Variants in SLC4A4 observed in about 807,000 individuals in gnomAD.
SLC4A4 encodes electrogenic sodium bicarbonate cotransporter 1.
Under a neutral mutation model 111.5 loss-of-function variants are expected in SLC4A4, and 27 were observed. That is an observed-to-expected ratio of 0.24 (90% CI 0.18 to 0.33). SLC4A4 has a LOEUF of 0.33. Among genes scored for constraint, SLC4A4 ranks in the 10% least tolerant of loss-of-function variants. SLC4A4 has a pLI of 1.00. For missense variants in SLC4A4, 909 were observed against 1,315.5 expected (o/e 0.69, Z 4.78); for synonymous variants, 443 against 463.4 (o/e 0.96, Z 0.57).
intron 3 of SLC4A4, among the ~76,000 whole-genome samples, chr4:71,332,559 C>T (rs1006617663): frequency 2.0e-5 from 3 of 151,886 alleles, no homozygotes; most frequent in Non-Finnish European, 2.9e-5. Flanking sequence ...ATTCTCCTGC[C>T]TCAGCCTCCC....
At chr4:71,501,054 CT>C (rs1730876620) in intron 16 of SLC4A4, among the ~76,000 whole-genome samples, 2 of 152,124 alleles carry the variant, frequency 1.3e-5, no homozygotes, top group Non-Finnish European at 2.9e-5. Flanking sequence ...GTAGTATGGA[CT>C]TTTTAATAAT....
chr4:71,424,375 A>C (rs1398603428), intron 7 of SLC4A4, among the ~76,000 whole-genome samples: 2 of 151,570 alleles, frequency 1.3e-5, no homozygotes, highest in African/African-American at 2.4e-5. Flanking sequence ...AAATAGGAAC[A>C]CTTTTACACT....
intron 1 of SLC4A4, among the ~76,000 whole-genome samples, chr4:71,087,554 T>G (rs1229966651): frequency 6.6e-6 from 1 of 152,078 alleles, no homozygotes; most frequent in Non-Finnish European, 1.5e-5. Context: ...TGCTATAAAT[T>G]TCCCCCTACA....
chr4:71,467,412 T>C (rs1430039492), intron 13 of SLC4A4, among the ~76,000 whole-genome samples: 1 of 152,146 alleles, frequency 6.6e-6, no homozygotes, highest in East Asian at 1.9e-4. Context: ...GAGTTGATCA[T>C]GTACCAAGTA....
At chr4:71,419,844 C>T (rs190156521) in intron 7 of SLC4A4, among the ~76,000 whole-genome samples, 11 of 152,272 alleles carry the variant, frequency 7.2e-5, no homozygotes, top group Non-Finnish European at 1.5e-4. Context: ...CTTGGCTCCT[C>T]ACCATCATCA....
chr4:71,515,578 ATCT>A (rs1732309676), intron 16 of SLC4A4, among the ~76,000 whole-genome samples: 1 of 152,158 alleles, frequency 6.6e-6, no homozygotes, highest in African/African-American at 2.4e-5. Flanking sequence ...GGGTGTTAAA[ATCT>A]TCTACTGTTA....
intron 1 of SLC4A4, among the ~76,000 whole-genome samples, chr4:71,084,913 T>A (rs1400613646): frequency 1.3e-5 from 2 of 152,080 alleles, no homozygotes; most frequent in African/African-American, 4.8e-5. Context: ...CCTTTGGGTA[T>A]ATACCCAGTA....
intron 16 of SLC4A4, among the ~76,000 whole-genome samples, chr4:71,505,003 G>T (rs373315138): frequency 6.6e-6 from 1 of 152,058 alleles, no homozygotes; most frequent in Non-Finnish European, 1.5e-5. Flanking sequence ...TCCTGCATTA[G>T]TTTGCTAGGG....
chr4:71,417,676 A>G (rs535498445), intron 7 of SLC4A4, among the ~76,000 whole-genome samples: 1 of 152,328 alleles, frequency 6.6e-6, no homozygotes, highest in East Asian at 1.9e-4. Context: ...GCAGTTAAAT[A>G]CTATTAAATA....
intron 16 of SLC4A4, among the ~76,000 whole-genome samples, chr4:71,512,644 T>C (rs1382031676): frequency 6.6e-6 from 1 of 152,126 alleles, no homozygotes; most frequent in Non-Finnish European, 1.5e-5. Context: ...TTGGTTTAAA[T>C]CCCACTTGTC....
intron 7 of SLC4A4, among the ~76,000 whole-genome samples, chr4:71,419,074 C>T (rs897534454): frequency 1.1e-4 from 17 of 152,158 alleles, no homozygotes; most frequent in African/African-American, 1.9e-4. Context: ...GAGGAGTACC[C>T]GGCCGTGTGA....
intron 6 of SLC4A4, among the ~76,000 whole-genome samples, chr4:71,378,248 G>C (rs971873319): frequency 6.6e-6 from 1 of 152,128 alleles, no homozygotes; most frequent in African/African-American, 2.4e-5. Flanking sequence ...AGAAATATTT[G>C]GTGGGCAGCA....
intron 12 of SLC4A4, among the ~76,000 whole-genome samples, chr4:71,462,631 A>G (rs1577964226): frequency 1.3e-5 from 2 of 151,262 alleles, no homozygotes; most frequent in South Asian, 2.1e-4. Flanking sequence ...CTGGTCTCGA[A>G]CTCCTCACCT....
chr4:71,508,463 T>A lies in SLC4A4; in HGVS notation c.2166+10771T>A, dbSNP rs191307013. Among the ~76,000 whole-genome samples, 15 of 152,182 alleles carry A rather than the reference T, an allele frequency of 9.9e-5. 1 individual carries two copies. The highest frequency in any genetic ancestry group is 7.9e-4 in the Admixed American group (12 of 15,286). On this transcript the variant is annotated intron_variant, in intron 16 of 25. Coordinates refer to ENST00000264485, the MANE Select transcript of SLC4A4 (RefSeq NM_001098484.3). ...ATTAGAGAATATTATCCCTTAATAG[T>A]GTTTATAATATAAACACCTCTATGC...
At chr4:71,445,240 G>A (rs1725117872) in intron 8 of SLC4A4, among the ~76,000 whole-genome samples, 1 of 152,070 alleles carries the variant, frequency 6.6e-6, no homozygotes, top group Non-Finnish European at 1.5e-5. Context: ...GTAACTTGGA[G>A]GCTCCATTAC....
At chr4:71,280,373 C>A (rs953170179) in intron 3 of SLC4A4, among the ~76,000 whole-genome samples, 15 of 152,046 alleles carry the variant, frequency 9.9e-5, no homozygotes, top group Non-Finnish European at 2.2e-4. Context: ...TAATTGTTTC[C>A]TTTGCTGTGC....
intron 6 of SLC4A4, among the ~76,000 whole-genome samples, chr4:71,381,946 A>T (rs1466387661): frequency 6.6e-6 from 1 of 152,182 alleles, no homozygotes; most frequent in East Asian, 1.9e-4. Context: ...GGAGAATGAG[A>T]ACGTAGAGAC....
At chr4:71,285,278 A>G (rs1723826553) in intron 3 of SLC4A4, among the ~76,000 whole-genome samples, 1 of 152,164 alleles carries the variant, frequency 6.6e-6, no homozygotes. Context: ...TTGGCATAAC[A>G]AGTTCTTTGT....
chr4:71,222,409 C>T (rs1412010054), intron 1 of SLC4A4, among the ~76,000 whole-genome samples: 1 of 152,216 alleles, frequency 6.6e-6, no homozygotes, highest in Non-Finnish European at 1.5e-5. Flanking sequence ...CCCAGTTTAA[C>T]CAGCATTCCC....
Sources: allele counts gnomAD v4.1 joint callset (sites outside exome capture counted in the v4.1 genomes callset), GRCh38; gene constraint gnomAD v4.1.1; transcripts MANE v1.5; gene names NCBI Gene and HGNC (gene_info 2026-07-23, HGNC 2026-07-21).